The following ADGRE1 variants were observed in gnomAD, a reference collection of about 807,000 sequenced individuals.
The protein encoded by ADGRE1 is EGF-like module receptor 1.
A neutral mutation model predicts 102.7 loss-of-function variants in ADGRE1; 82 were observed. That is an observed-to-expected ratio of 0.80 (90% CI 0.67 to 0.96). The LOEUF (loss-of-function observed/expected upper bound fraction) is 0.96. Ranked by LOEUF, ADGRE1 falls within the 40% of genes least tolerant of loss-of-function variation. The pLI is 0.00. For synonymous variants in ADGRE1, 398 were observed against 399.6 expected (o/e 1.00, Z 0.05); for missense variants, 1,032 against 1,085.3 (o/e 0.95, Z 0.69).
At chr19:6,898,265 T>TA (rs1398054378) in intron 5 of ADGRE1, 21 of 1,555,078 alleles carry the variant, frequency 1.4e-5, no homozygotes, top group Non-Finnish European at 1.8e-5. Context: ...TACAGTCTTC[T>TA]ATCTAGTATA....
chr19:6,900,887 C>T (rs115712640), intron 5 of ADGRE1, among the ~76,000 whole-genome samples: 3,704 of 152,266 alleles, frequency 0.024, 149 homozygotes, highest in African/African-American at 0.084. Context: ...ATATATTTAG[C>T]GCTTGATTCC....
chr19:6,919,848 C>T (rs11668909), intron 13 of ADGRE1, 101 bp downstream of exon 13: 77,446 of 1,160,492 alleles, frequency 0.067, 3,098 homozygotes, highest in Non-Finnish European at 0.079. Flanking sequence ...CTATTGAGGC[C>T]GGTAAGCTTC....
chr19:6,903,802 C>A lies in ADGRE1; in HGVS notation c.662-8C>A. 6.2e-7 allele frequency: 1 copy of A among 1,613,836 alleles called. No homozygotes were observed. Among genetic ancestry groups the A allele is most frequent in the African/African-American group, 1.3e-5 (1 of 75,026 alleles). ...AACTTGGCTCCACACCCATTCTGTA[C>A]CCCACAGATATTGATGAATGCACTG... On this transcript the variant is annotated splice_region_variant and splice_polypyrimidine_tract_variant and intron_variant, in intron 6 of 20. Transcript: ENST00000312053.
At chr19:6,901,394 G>A (rs116880479) in intron 5 of ADGRE1, among the ~76,000 whole-genome samples, 30 of 152,294 alleles carry the variant, frequency 2.0e-4, no homozygotes, top group Non-Finnish European at 3.5e-4. Context: ...ATGAACAGAA[G>A]CCAACAGGTC....
At position 6,935,067 on chromosome 19, in the gene ADGRE1, A is replaced by C. The variant is rs1599772715; in HGVS notation, c.2370A>C (p.Leu790=). 6.9e-6 allele frequency: 11 copies of C among 1,596,772 alleles called. No homozygotes were observed. The highest frequency in any genetic ancestry group is 8.5e-6 in the Non-Finnish European group (10 of 1,172,254). Residue 790 remains leucine, a synonymous_variant, in exon 18 of 21, where the codon CTA becomes CTC. Transcript: ENST00000312053. ...LSSVNAEVST[L]KDTRLLTFKA... is the part of the protein sequence containing the mutation. ...GTGTTAATGCCGAAGTCTCAACGCTAAAAGACACCAGGTAAAGCCCTCTTT... is the reference window on the plus strand; with the variant it reads ...GTGTTAATGCCGAAGTCTCAACGCTCAAAGACACCAGGTAAAGCCCTCTTT...
At chr19:6,902,189 A>G (rs1973788369) in intron 6 of ADGRE1, among the ~76,000 whole-genome samples, 168 bp downstream of exon 6, 1 of 152,202 alleles carries the variant, frequency 6.6e-6, no homozygotes, top group African/African-American at 2.4e-5. Flanking sequence ...CTTACAGTAT[A>G]CGTGGCACTA....
At chr19:6,907,039 T>TG (rs1973986533) in intron 9 of ADGRE1, among the ~76,000 whole-genome samples, 1 of 152,094 alleles carries the variant, frequency 6.6e-6, no homozygotes, top group African/African-American at 2.4e-5. Context: ...AATGTTGGTG[T>TG]GGGGGTGTTA....
chr19:6,922,356 C>T (rs557433362), intron 14 of ADGRE1, among the ~76,000 whole-genome samples: 1 of 152,094 alleles, frequency 6.6e-6, no homozygotes, highest in Non-Finnish European at 1.5e-5. Context: ...TGGCTCATGC[C>T]TGTCATCCGA....
intron 16 of ADGRE1, among the ~76,000 whole-genome samples, chr19:6,927,905 G>T (rs1721397330): frequency 6.6e-6 from 1 of 152,124 alleles, no homozygotes; most frequent in South Asian, 2.1e-4. Flanking sequence ...GTTGTGAATT[G>T]GGAAATGAGC....
Position 6,913,822 on chromosome 19 carries a change from A to G in ADGRE1, c.1292A>G (p.Glu431Gly). Residue 431 changes from glutamate to glycine, a missense_variant, in exon 11 of 21, where the codon GAA becomes GGA. Glu to Gly is a moderately conservative substitution (Grantham distance 98). Transcript: ENST00000312053. ...SANITPAVRTEYLDIESKVIN... is the reference protein window; with the variant it reads ...SANITPAVRTGYLDIESKVIN... ...AATATCACTCCGGCTGTTCGGACGG[A>G]ATACTTAGGTAGGAGACACCCTTTG... The G allele has an allele frequency of 1.9e-6, 3 of 1,593,162 alleles. No homozygotes were observed. Among genetic ancestry groups the G allele is most frequent in the Non-Finnish European group, 8.6e-7 (1 of 1,167,836 alleles).
chr19:6,908,118 G>T (rs1032474184), intron 9 of ADGRE1, among the ~76,000 whole-genome samples: 2 of 152,230 alleles, frequency 1.3e-5, no homozygotes, highest in East Asian at 1.9e-4. Context: ...TCGCTTAAAG[G>T]CGTTCTTAAA....
intron 13 of ADGRE1, among the ~76,000 whole-genome samples, 179 bp from the exon 14 acceptor site, chr19:6,921,534 T>C (rs2144981874): frequency 6.6e-6 from 1 of 152,326 alleles, no homozygotes; most frequent in Non-Finnish European, 1.5e-5. Flanking sequence ...AACAGCAATG[T>C]GAGCTGCCCT....
intron 10 of ADGRE1, among the ~76,000 whole-genome samples, chr19:6,912,753 T>G (rs1429541626): frequency 6.6e-6 from 1 of 152,178 alleles, no homozygotes; most frequent in Non-Finnish European, 1.5e-5. Flanking sequence ...GCATTTAGGC[T>G]TTCCACAAAC....
chr19:6,920,283 A>G (rs1974594949), intron 13 of ADGRE1, among the ~76,000 whole-genome samples: 1 of 149,710 alleles, frequency 6.7e-6, no homozygotes, highest in Admixed American at 6.7e-5. Context: ...GCAGTGGCAC[A>G]ATTTCAAGTC....
At chr19:6,919,799 C>G (rs756224097) in intron 13 of ADGRE1, 52 bp downstream of exon 13, 2 of 1,558,580 alleles carry the variant, frequency 1.3e-6, no homozygotes, top group South Asian at 2.2e-5. Context: ...GGGAACTCCT[C>G]GTCTCTCGAT....
At chr19:6,892,113 A>G (rs1047152567) in intron 2 of ADGRE1, among the ~76,000 whole-genome samples, 5 of 152,178 alleles carry the variant, frequency 3.3e-5, no homozygotes, top group Non-Finnish European at 7.3e-5. Flanking sequence ...AAGAGACCAC[A>G]AGTGATAAAA....
At chr19:6,906,822 G>A (rs548321808) in intron 9 of ADGRE1, among the ~76,000 whole-genome samples, 17 of 151,826 alleles carry the variant, frequency 1.1e-4, no homozygotes, top group Non-Finnish European at 1.6e-4. Flanking sequence ...TGAAAAGTAC[G>A]GTCCTTCTCT....
chr19:6,921,868 G>C lies in ADGRE1; in HGVS notation c.1776G>C (p.Ala592=), dbSNP rs148040255. The C allele has an allele frequency of 6.2e-7, 1 of 1,613,486 alleles. No individual in the cohort carries two copies. Among genetic ancestry groups the C allele is most frequent in the Non-Finnish European group, 8.5e-7 (1 of 1,179,838 alleles). ...NQMANLAVIM[A]SGELTMDFSL... ...TGGCAAATCTTGCCGTTATCATGGC[G>C]TCTGGGGAGCTCACGGTCAGTACTG... The change falls in exon 14 of 21, where the codon GCG becomes GCC. Residue 592 remains alanine (A), a synonymous_variant. Coordinates refer to ENST00000312053, the MANE Select transcript of ADGRE1 (RefSeq NM_001974.5).
At chr19:6,933,985 C>T (rs984547850) in intron 17 of ADGRE1, among the ~76,000 whole-genome samples, 2 of 152,124 alleles carry the variant, frequency 1.3e-5, no homozygotes, top group African/African-American at 4.8e-5. Flanking sequence ...ACTGGATGCA[C>T]TTTGGGAAAA....
Sources: allele counts gnomAD v4.1 joint callset (sites outside exome capture counted in the v4.1 genomes callset), GRCh38; gene constraint gnomAD v4.1.1; transcripts MANE v1.5; gene names NCBI Gene and HGNC (gene_info 2026-07-23, HGNC 2026-07-21).